PRPF6: variants seen among roughly 807,000 people sequenced by gnomAD.
PRPF6 encodes pre-mRNA processing factor 6, also known as pre-mRNA-processing factor 6.
In PRPF6, 42 loss-of-function variants were observed where a neutral mutation model predicts 118.3. The observed-to-expected ratio is 0.35, with a 90% CI of 0.28 to 0.46. The LOEUF (loss-of-function observed/expected upper bound fraction) is 0.46. PRPF6 is among the 20% of genes least tolerant of loss of function. The pLI, the probability that PRPF6 is intolerant of heterozygous loss-of-function variation, is 1.00. For missense variants in PRPF6, 662 were observed against 1,255.7 expected (o/e 0.53, Z 7.15); for synonymous variants, 481 against 485.1 (o/e 0.99, Z 0.11).
In PRPF6 at chr20:64,016,713, C is replaced by T. The variant is rs1475070062; in HGVS notation, c.1525-10C>T. 5.6e-6 allele frequency: 9 copies of T among 1,613,836 alleles called. No individual in the cohort carries two copies. The South Asian group carries it at 6.6e-5, about 12-fold the overall frequency. ...CAAAATCACAAATAAGTTTTGTGTT[C>T]CTCTTTCAGGATGCCGAGGAATGTG... On this transcript the variant is annotated splice_polypyrimidine_tract_variant and intron_variant, in intron 11 of 20. Transcript: ENST00000266079.
At chr20:63,998,093 A>G (rs1183665780) in intron 6 of PRPF6, among the ~76,000 whole-genome samples, 1 of 151,900 alleles carries the variant, frequency 6.6e-6, no homozygotes, top group Non-Finnish European at 1.5e-5. Flanking sequence ...TTTTAATAAA[A>G]ATTTTATTTA....
At chr20:63,993,269 T>C (rs1403593358) in intron 3 of PRPF6, 138 bp from the exon 4 acceptor site, 1 of 218,072 alleles carries the variant, frequency 4.6e-6, no homozygotes, top group Non-Finnish European at 9.0e-6. Flanking sequence ...TGTGTATATG[T>C]ATATATATAT....
rs537137916 is a variant in PRPF6, at chr20:63,987,244, C to T, written c.359+2219C>T. On this transcript the variant is annotated intron_variant, in intron 3 of 20. Coordinates refer to ENST00000266079, the MANE Select transcript of PRPF6 (RefSeq NM_012469.4). ...ATATACAGCTGGATGGGGTGGTTCA[C>T]GCCTGTAATCACAGCCCTTTGGGAG... 2.1e-4 allele frequency among the ~76,000 whole-genome samples: 31 copies of T among 150,048 alleles called. 1 individual carries two copies. The Middle Eastern group carries it at 0.011, about 54-fold the overall frequency.
chr20:64,016,089 G>A (rs957566317), intron 11 of PRPF6, among the ~76,000 whole-genome samples: 4 of 151,980 alleles, frequency 2.6e-5, no homozygotes, highest in African/African-American at 7.2e-5. Context: ...CAGCACTTCA[G>A]CCTGAGTGAC....
At chr20:64,010,411 T>C (rs1472555854) in intron 10 of PRPF6, 93 bp downstream of exon 10, 4 of 1,064,268 alleles carry the variant, frequency 3.8e-6, no homozygotes, top group Non-Finnish European at 4.3e-6. Context: ...AAGTGGAGCA[T>C]TGAGCTCACT....
Position 64,028,604 on chromosome 20 carries a change from C to G in PRPF6, c.2431+35C>G. ...TGCCCCGACTCCGGTAAGGGGGTGC[C>G]CTGACTCCGGTAAGGGGGTGCCTTG... On this transcript the variant is annotated intron_variant, in intron 18 of 20. Transcript: ENST00000266079. The surrounding 1 kb of genome is among the most constrained non-coding windows in gnomAD (Gnocchi z 6.5). The G allele has an allele frequency of 6.2e-7, 1 of 1,604,438 alleles. No homozygotes were observed.
intron 7 of PRPF6, 127 bp downstream of exon 7, chr20:63,999,266 G>A: frequency 2.4e-6 from 2 of 838,758 alleles, no homozygotes; most frequent in Non-Finnish European, 4.0e-6. Context: ...AAGTGGAGTA[G>A]TTTGTTTTTT....
intron 11 of PRPF6, among the ~76,000 whole-genome samples, chr20:64,013,866 C>T (rs1329395036): frequency 6.6e-6 from 1 of 152,178 alleles, no homozygotes; most frequent in Non-Finnish European, 1.5e-5. Context: ...CTTCTCATCA[C>T]CCCAGAAAGA....
chr20:63,981,281 C>A lies in PRPF6; in HGVS notation c.36C>A (p.Pro12=). ...AGAAGAAACCGTTCCTAGGGATGCCCGCGCCCCTCGGCTACGTGCCGGGGC... is the reference window on the plus strand; with the variant it reads ...AGAAGAAACCGTTCCTAGGGATGCCAGCGCCCCTCGGCTACGTGCCGGGGC... ...NKKKKPFLGM[P]APLGYVPGLG... The change falls in exon 1 of 21, where the codon CCC becomes CCA. Residue 12 remains proline (P), a synonymous_variant. Transcript: ENST00000266079. 1 of 1,608,008 alleles carries A rather than the reference C, an allele frequency of 6.2e-7. No homozygotes were observed. The highest frequency in any genetic ancestry group is 8.5e-7 in the Non-Finnish European group (1 of 1,177,346).
At position 64,027,137 on chromosome 20, in the gene PRPF6, G is replaced by A. The variant is rs755425584; in HGVS notation, c.2184G>A (p.Ala728=). ...AGCAGAAGGAGATGATGGAGAAGGC[G>A]CGGGAAGCCTATAACCAGGGGGTAC... is the stretch of plus-strand genomic sequence containing the variant. ...IEEQKEMMEK[A]REAYNQGLKK... The change falls in exon 16 of 21, where the codon GCG becomes GCA. Residue 728 remains alanine (A), a synonymous_variant. Coordinates refer to ENST00000266079, the MANE Select transcript of PRPF6 (RefSeq NM_012469.4). The surrounding 1 kb of genome is among the most constrained non-coding windows in gnomAD (Gnocchi z 6.5). 14 of 1,613,640 alleles carry A rather than the reference G, an allele frequency of 8.7e-6. No individual in the cohort carries two copies. Among genetic ancestry groups the A allele is most frequent in the East Asian group, 4.5e-5 (2 of 44,894 alleles).
At chr20:63,995,964 A>T (rs1183083697) in intron 6 of PRPF6, among the ~76,000 whole-genome samples, 1 of 151,978 alleles carries the variant, frequency 6.6e-6, no homozygotes, top group Non-Finnish European at 1.5e-5. Flanking sequence ...GCCTTTTTTT[A>T]AAATATAAAA....
chr20:63,984,883 C>A, intron 2 of PRPF6, 24 bp from the exon 3 acceptor site: 1 of 1,544,280 alleles, frequency 6.5e-7, no homozygotes, highest in Admixed American at 1.7e-5. Context: ...AAGCTGACCT[C>A]TACACGTGTT....
rs1261847848 is a variant in PRPF6 at position 63,999,640 on chromosome 20, C to G, written c.904C>G (p.Arg302Gly). Residue 302 changes from arginine to glycine, a missense_variant, in exon 8 of 21, where the codon CGG (arginine) becomes GGG (glycine). Physicochemically the swap from Arg to Gly is moderately radical, Grantham distance 125. This residue lies in a region of PRPF6 where 71 missense variants were observed against 166.4 expected (regional missense o/e 0.43). Transcript: ENST00000266079. ...KKARLLLKSV[R>G]ETNPHHPPAW... ...GGCGCGACTGCTCCTCAAGTCTGTTCGGGAGACGAACCCTCATCACCCGCC... is the reference window on the plus strand; with the variant it reads ...GGCGCGACTGCTCCTCAAGTCTGTTGGGGAGACGAACCCTCATCACCCGCC... 10 of 1,614,146 alleles carry G rather than the reference C, an allele frequency of 6.2e-6. No individual in the cohort carries two copies. The highest frequency in any genetic ancestry group is 7.6e-6 in the Non-Finnish European group (9 of 1,180,048).
At chr20:64,021,596 G>A (rs1042209979) in intron 12 of PRPF6, among the ~76,000 whole-genome samples, 4 of 142,288 alleles carry the variant, frequency 2.8e-5, no homozygotes, top group African/African-American at 1.1e-4. Flanking sequence ...ATATGCCTCA[G>A]CCACAGCCCC....
chr20:63,993,181 A>G lies in PRPF6; in HGVS notation c.360-226A>G, dbSNP rs527815316. On this transcript the variant is annotated intron_variant, in intron 3 of 20. Coordinates refer to ENST00000266079, the MANE Select transcript of PRPF6 (RefSeq NM_012469.4). ...CAGTGAGCTGAGATTGCGCCACTGC[A>G]CTTTAGCCTGGGTGACAGAGCAAGA... Among the ~76,000 whole-genome samples, 29 of 149,946 alleles carry G rather than the reference A, an allele frequency of 1.9e-4. No homozygotes were observed. The East Asian group carries it at 5.8e-3, about 30-fold the overall frequency.
rs1569226623 is a variant in PRPF6 at position 64,029,847 on chromosome 20, C to G, written c.2546+356C>G. 6.6e-6 allele frequency among the ~76,000 whole-genome samples: 1 copy of G among 151,628 alleles called. No homozygotes were observed. The highest frequency in any genetic ancestry group is 1.5e-5 in the Non-Finnish European group (1 of 67,956). ...CACACTGGTGCTCTGGTCGCCGGGTCAGAGACTCACTGGGGACGCATGTGA... is the reference window on the plus strand; with the variant it reads ...CACACTGGTGCTCTGGTCGCCGGGTGAGAGACTCACTGGGGACGCATGTGA... On this transcript the variant is annotated intron_variant, in intron 19 of 20. Coordinates refer to ENST00000266079, the MANE Select transcript of PRPF6 (RefSeq NM_012469.4). This position sits in a 1 kb window ranked among gnomAD's most constrained non-coding sequence, Gnocchi z 4.8.
chr20:64,008,074 C>G (rs1194166588), intron 9 of PRPF6, among the ~76,000 whole-genome samples: 1 of 152,186 alleles, frequency 6.6e-6, no homozygotes, highest in Non-Finnish European at 1.5e-5. Flanking sequence ...ACGGGCTGTA[C>G]CTGGCCCGGC....
intron 1 of PRPF6, 85 bp from the exon 2 acceptor site, chr20:63,982,962 G>C (rs2059077797): frequency 2.0e-6 from 3 of 1,486,274 alleles, no homozygotes; most frequent in Non-Finnish European, 1.8e-6. Context: ...TAGAAAAAGA[G>C]GTGTTAGTAA....
At chr20:64,002,549 T>A (rs2059172363) in intron 9 of PRPF6, among the ~76,000 whole-genome samples, 1 of 151,008 alleles carries the variant, frequency 6.6e-6, no homozygotes, top group East Asian at 2.0e-4. Flanking sequence ...TTGGCCGGGC[T>A]GGTCTCAAAC....
Sources: allele counts gnomAD v4.1 joint callset (sites outside exome capture counted in the v4.1 genomes callset), GRCh38; gene constraint gnomAD v4.1.1; regional missense constraint gnomAD v4.1.1; non-coding constraint Gnocchi (gnomAD v3.1); transcripts MANE v1.5; gene names NCBI Gene and HGNC (gene_info 2026-07-23, HGNC 2026-07-21).